MAGOHB: variants seen among roughly 807,000 people sequenced by gnomAD.
MAGOHB encodes the protein protein mago nashi homolog 2.
A neutral mutation model predicts 20.9 loss-of-function variants in MAGOHB; 15 were observed. The observed-to-expected ratio is 0.72, with a 90% CI of 0.48 to 1.11. The LOEUF (loss-of-function observed/expected upper bound fraction) is 1.11, where lower values mean the gene tolerates loss of function less well. Ranked by LOEUF, MAGOHB falls within the 50% of genes least tolerant of loss-of-function variation. The pLI, the probability that MAGOHB is intolerant of heterozygous loss-of-function variation, is 0.00. For synonymous variants in MAGOHB, 50 were observed against 57.9 expected (o/e 0.86, Z 0.62); for missense variants, 162 against 177.6 (o/e 0.91, Z 0.50).
At chr12:10,599,595 TC>T (rs1865535397), downstream of MAGOHB, 1 of 152,226 alleles carries the variant, frequency 6.6e-6, no homozygotes, top group Non-Finnish European at 1.5e-5. Flanking sequence ...GCCTTTCGGG[TC>T]CTGGATCCCT....
chr12:10,606,686 A>T (rs971823101), intron 4 of MAGOHB, among the ~76,000 whole-genome samples: 1 of 152,100 alleles, frequency 6.6e-6, no homozygotes, highest in African/African-American at 2.4e-5. Context: ...TAGAATAACT[A>T]TAAACATTTT....
intron 1 of MAGOHB, among the ~76,000 whole-genome samples, chr12:10,612,167 T>C (rs906228552): frequency 3.3e-5 from 5 of 151,602 alleles, no homozygotes; most frequent in Non-Finnish European, 5.9e-5. Flanking sequence ...CTGGGCAACA[T>C]GGGGAAACCC....
chr12:10,600,711 AC>A (rs1338238169), downstream of MAGOHB, among the ~76,000 whole-genome samples: 1 of 152,180 alleles, frequency 6.6e-6, no homozygotes, highest in African/African-American at 2.4e-5. Context: ...CATGAGGCAG[AC>A]CCTGCCAGAA....
intron 1 of MAGOHB, 145 bp downstream of exon 1, chr12:10,613,294 A>G (rs548475125): frequency 1.4e-6 from 1 of 720,406 alleles, no homozygotes; most frequent in Non-Finnish European, 2.4e-6. Context: ...TTTCATTTAT[A>G]AAACCAACTT....
In MAGOHB at chr12:10,613,570, G is replaced by A. The variant is rs111769773; in HGVS notation, c.-38C>T. The A allele has an allele frequency of 4.3e-6, 6 of 1,410,144 alleles. No homozygotes were observed. The highest frequency in any genetic ancestry group is 2.3e-5 in the East Asian group (1 of 43,928). 87.4% of individuals were successfully genotyped at this position (1,410,144 alleles called of 1,614,324 possible). On this transcript the variant is annotated 5_prime_UTR_variant, in exon 1 of 5. It adds an upstream start codon to the 5' untranslated region. Coordinates refer to ENST00000320756, the MANE Select transcript of MAGOHB (RefSeq NM_018048.5). ...GAAGCCCGCCGAAAACGCAGCCAACGTGTCCCCCGGCGCCTTGCAGTGACG... is the reference window on the plus strand; with the variant it reads ...GAAGCCCGCCGAAAACGCAGCCAACATGTCCCCCGGCGCCTTGCAGTGACG...
chr12:10,609,773 C>A, intron 3 of MAGOHB, 58 bp downstream of exon 3: 1 of 1,095,250 alleles, frequency 9.1e-7, no homozygotes, highest in Non-Finnish European at 1.3e-6. Flanking sequence ...TAACGGGAAA[C>A]AAAATAGTAT....
chr12:10,600,723 T>C (rs1194396852), downstream of MAGOHB, among the ~76,000 whole-genome samples: 2 of 152,348 alleles, frequency 1.3e-5, no homozygotes, highest in African/African-American at 2.4e-5. Context: ...CCTGCCAGAA[T>C]GTACTCAGAT....
chr12:10,609,232 CA>C, intron 3 of MAGOHB: 3 of 313,324 alleles, frequency 9.6e-6, no homozygotes, highest in South Asian at 8.4e-5. Flanking sequence ...CAGGGATATA[CA>C]AAAGTGAAAT....
At chr12:10,613,073 C>G (rs1031718386) in intron 1 of MAGOHB, 1 of 656,222 alleles carries the variant, frequency 1.5e-6, no homozygotes, top group African/African-American at 1.9e-5. Context: ...AACACACAGC[C>G]TAAATGAAAA....
Position 10,610,647 on chromosome 12 carries a change from T to C in MAGOHB, c.128A>G (p.Lys43Arg). The change falls in exon 2 of 5, where the codon AAA becomes AGA. Residue 43 changes from lysine to arginine, a missense_variant. Transcript: ENST00000320756. ...CTCTTTTCTGATCATGACATCATTT[T>C]TGTAATTGCTGTTGTTGGCATATCT... ...KLRYANNSNY[K>R]NDVMIRKEAY... The C allele has an allele frequency of 6.3e-7, 1 of 1,586,694 alleles. No individual in the cohort carries two copies. Among genetic ancestry groups the C allele is most frequent in the Non-Finnish European group, 8.5e-7 (1 of 1,171,016 alleles).
At chr12:10,607,146 A>G (rs1865643707) in intron 4 of MAGOHB, among the ~76,000 whole-genome samples, 2 of 152,216 alleles carry the variant, frequency 1.3e-5, no homozygotes, top group Admixed American at 1.3e-4. Context: ...TCATGCATTC[A>G]TTCCTTTCTC....
At position 10,605,513 on chromosome 12, in the gene MAGOHB, T is replaced by A. The variant is rs1865610417; in HGVS notation, c.*762A>T. 6.6e-6 allele frequency: 1 copy of A among 152,196 alleles called. No homozygotes were observed. Among genetic ancestry groups the A allele is most frequent in the Non-Finnish European group, 1.5e-5 (1 of 68,030 alleles). The allele number at this position is 152,196 out of a possible 1,614,324, so 9.4% of individuals were successfully genotyped here. ...GTTGAAAGGAACTGGGAAACTGAAG[T>A]GAGACTCGTGGTCAATAGGAGTTAA... On this transcript the variant is annotated 3_prime_UTR_variant, in exon 5 of 5. Transcript: ENST00000320756.
chr12:10,611,275 A>C (rs1865729281), intron 1 of MAGOHB, among the ~76,000 whole-genome samples: 1 of 152,200 alleles, frequency 6.6e-6, no homozygotes, highest in Non-Finnish European at 1.5e-5. Flanking sequence ...ATGACTAGGA[A>C]GCATACAAAC....
At chr12:10,603,571 T>C (rs1451679577), downstream of MAGOHB, among the ~76,000 whole-genome samples, 2 of 151,162 alleles carry the variant, frequency 1.3e-5, no homozygotes, top group East Asian at 3.9e-4. Context: ...GGATTCCCGA[T>C]GGCAATTTAA....
chr12:10,610,495 A>G, intron 2 of MAGOHB, 127 bp downstream of exon 2: 1 of 1,122,762 alleles, frequency 8.9e-7, no homozygotes, highest in Non-Finnish European at 1.2e-6. Flanking sequence ...CTTTCAATCT[A>G]TAAATTGCCT....
intron 1 of MAGOHB, chr12:10,612,859 C>G (rs752483343): frequency 7.8e-7 from 1 of 1,289,024 alleles, no homozygotes; most frequent in South Asian, 1.2e-5. Context: ...TTTTTTCTCT[C>G]AAAGGCCAAG....
At chr12:10,603,035 C>A (rs1435915469), downstream of MAGOHB, among the ~76,000 whole-genome samples, 1 of 152,144 alleles carries the variant, frequency 6.6e-6, no homozygotes, top group Non-Finnish European at 1.5e-5. Flanking sequence ...CACTGCATGA[C>A]ACTGAACTTC....
chr12:10,601,013 G>A (rs191345263), downstream of MAGOHB, among the ~76,000 whole-genome samples: 17 of 152,314 alleles, frequency 1.1e-4, no homozygotes, highest in African/African-American at 3.9e-4. Context: ...GGACGCTTCA[G>A]GAATACTTGC....
chr12:10,612,247 T>TAACAA (rs1555146632), intron 1 of MAGOHB, among the ~76,000 whole-genome samples: 1 of 138,958 alleles, frequency 7.2e-6, no homozygotes, highest in Admixed American at 7.2e-5. Flanking sequence ...TAACATAACA[T>TAACAA]AATTAGCTGG....
Sources: gnomAD v4.1 joint callset for allele counts (sites outside exome capture counted in the v4.1 genomes callset) on GRCh38, gnomAD v4.1.1 for gene constraint, MANE v1.5 for transcripts, NCBI Gene and HGNC (gene_info 2026-07-23, HGNC 2026-07-21) for gene names.